COL5A2: variants seen among roughly 807,000 people sequenced by gnomAD.
COL5A2 encodes the protein collagen alpha-2(V) chain.
In COL5A2, 23 loss-of-function variants were observed where a neutral mutation model predicts 208.2. The observed-to-expected ratio is 0.11, with a 90% CI of 0.08 to 0.16. COL5A2 has a LOEUF of 0.16. Among genes scored for constraint, COL5A2 ranks in the 10% least tolerant of loss-of-function variants. The pLI is 1.00. For missense variants in COL5A2, 1,590 were observed against 1,956.4 expected (o/e 0.81, Z 3.53); for synonymous variants, 625 against 628.5 (o/e 0.99, Z 0.08).
At chr2:189,204,276 G>A (rs184177572) in intron 1 of COL5A2, among the ~76,000 whole-genome samples, 15 of 152,264 alleles carry the variant, frequency 9.9e-5, no homozygotes, top group Non-Finnish European at 1.9e-4. Context: ...AGTTTAGGTC[G>A]CTTTAACATT....
intron 33 of COL5A2, 25 bp from the exon 34 acceptor site, chr2:189,057,452 C>A: frequency 6.7e-7 from 1 of 1,497,848 alleles, no homozygotes; most frequent in Non-Finnish European, 9.3e-7. Flanking sequence ...CATTAAGTGA[C>A]CATACCAATA....
chr2:189,387,615 T>C, the COL5A2 span, among the ~76,000 whole-genome samples: 4 of 152,220 alleles, frequency 2.6e-5, no homozygotes, highest in Admixed American at 6.5e-5. Context: ...ATTAAAATTT[T>C]ATATAAACTT....
At chr2:189,337,175 A>ATTT in the COL5A2 span, among the ~76,000 whole-genome samples, 4 of 141,916 alleles carry the variant, frequency 2.8e-5, no homozygotes, top group African/African-American at 5.2e-5. Context: ...TTTTGACATC[A>ATTT]TTTTTTTTTT....
intron 1 of COL5A2, among the ~76,000 whole-genome samples, chr2:189,177,669 CG>C (rs972269817): frequency 7.2e-5 from 11 of 152,050 alleles, no homozygotes; most frequent in African/African-American, 2.2e-4. Context: ...ATACTGTTCG[CG>C]GGGGGTACTG....
At chr2:189,134,513 C>T (rs1237907726) in intron 1 of COL5A2, among the ~76,000 whole-genome samples, 2 of 152,144 alleles carry the variant, frequency 1.3e-5, no homozygotes, top group Non-Finnish European at 2.9e-5. Context: ...CGCTTGAACT[C>T]GGATGGCGGA....
chr2:189,244,915 A>G, the COL5A2 span, among the ~76,000 whole-genome samples: 1 of 152,224 alleles, frequency 6.6e-6, no homozygotes, highest in African/African-American at 2.4e-5. Flanking sequence ...GAGGCCTCAC[A>G]ATCATGGCGG....
the COL5A2 span, among the ~76,000 whole-genome samples, chr2:189,301,589 T>C: frequency 1.3e-5 from 2 of 152,150 alleles, no homozygotes; most frequent in African/African-American, 4.8e-5. Flanking sequence ...TTATTAAAGA[T>C]TGTCACTGAA....
upstream of COL5A2, among the ~76,000 whole-genome samples, chr2:189,226,960 C>T (rs1689428806): frequency 6.6e-6 from 1 of 152,076 alleles, no homozygotes; most frequent in Admixed American, 6.6e-5. Context: ...GGATGGCAGA[C>T]ATCAGAGAAA....
intron 1 of COL5A2, among the ~76,000 whole-genome samples, chr2:189,143,740 G>A (rs1243490157): frequency 6.6e-6 from 1 of 152,116 alleles, no homozygotes; most frequent in East Asian, 1.9e-4. Flanking sequence ...ATGAAAGAGA[G>A]ACGTGTGGAG....
chr2:189,067,420 T>G (rs1015483832), intron 21 of COL5A2, among the ~76,000 whole-genome samples: 11 of 152,168 alleles, frequency 7.2e-5, no homozygotes, highest in Non-Finnish European at 1.6e-4. Context: ...ATGACCACAT[T>G]ACTTGGAACA....
At chr2:189,058,674 A>G in intron 32 of COL5A2, 147 bp from the exon 33 acceptor site, 3 of 953,088 alleles carry the variant, frequency 3.1e-6, no homozygotes, top group Non-Finnish European at 4.9e-6. Context: ...TAAGAAATAA[A>G]TTTGAAGTAA....
the COL5A2 span, among the ~76,000 whole-genome samples, chr2:189,240,137 G>A: frequency 6.6e-6 from 1 of 152,158 alleles, no homozygotes; most frequent in Non-Finnish European, 1.5e-5. Flanking sequence ...TATATTTGAA[G>A]AAAATACTGA....
the COL5A2 span, among the ~76,000 whole-genome samples, chr2:189,310,187 T>C: frequency 6.6e-6 from 1 of 152,162 alleles, no homozygotes; most frequent in African/African-American, 2.4e-5. Flanking sequence ...GGAACATTAA[T>C]AATAGATAAT....
chr2:189,237,777 T>C, the COL5A2 span, among the ~76,000 whole-genome samples: 17 of 151,922 alleles, frequency 1.1e-4, 1 homozygote, highest in Admixed American at 1.1e-3. Context: ...CATTTGTTCA[T>C]AGAAATTTAT....
At chr2:189,319,058 C>A in the COL5A2 span, among the ~76,000 whole-genome samples, 1 of 151,624 alleles carries the variant, frequency 6.6e-6, no homozygotes, top group Non-Finnish European at 1.5e-5. Context: ...CTATTTTAGA[C>A]ATATTTGAGA....
At chr2:189,311,612 C>T in the COL5A2 span, 1 of 956,500 alleles carries the variant, frequency 1.0e-6, no homozygotes, top group Non-Finnish European at 1.6e-6. Flanking sequence ...CTTCAGATTT[C>T]TCATAGAGTC....
chr2:189,301,534 C>T, the COL5A2 span, among the ~76,000 whole-genome samples: 1 of 152,070 alleles, frequency 6.6e-6, no homozygotes, highest in African/African-American at 2.4e-5. Flanking sequence ...ACCAAATTTA[C>T]AAATCTATAT....
the COL5A2 span, among the ~76,000 whole-genome samples, chr2:189,337,360 T>C: frequency 6.6e-6 from 1 of 151,814 alleles, no homozygotes; most frequent in East Asian, 1.9e-4. Flanking sequence ...TTTTTTGTAT[T>C]TTTAGTAGAG....
intron 1 of COL5A2, among the ~76,000 whole-genome samples, chr2:189,146,577 C>T (rs1688044033): frequency 6.6e-6 from 1 of 151,188 alleles, no homozygotes; most frequent in Non-Finnish European, 1.5e-5. Flanking sequence ...TAGCATTTGG[C>T]AAGAAAAAAG....
Sources: allele counts gnomAD v4.1 joint callset (sites outside exome capture counted in the v4.1 genomes callset), GRCh38; gene constraint gnomAD v4.1.1; transcripts MANE v1.5; gene names NCBI Gene and HGNC (gene_info 2026-07-23, HGNC 2026-07-21).